The following ERICH3 variants were observed in gnomAD, a reference collection of about 807,000 sequenced individuals.
ERICH3 encodes the protein glutamate-rich protein 3.
A neutral mutation model predicts 131.1 loss-of-function variants in ERICH3; 126 were observed. The observed-to-expected ratio is 0.96, with a 90% CI of 0.83 to 1.11. ERICH3 has a LOEUF of 1.11. ERICH3 is among the 50% of genes most tolerant of loss of function. The pLI, the probability that ERICH3 is intolerant of heterozygous loss-of-function variation, is 0.00. For missense variants in ERICH3, 2,050 were observed against 1,810.7 expected, an observed-to-expected ratio of 1.13 and a Z score of -2.40; for synonymous variants, 695 against 644.6, an observed-to-expected ratio of 1.08 and a Z score of -1.18.
intron 1 of ERICH3, among the ~76,000 whole-genome samples, chr1:74,664,173 T>G (rs1646667798): frequency 6.6e-6 from 1 of 152,056 alleles, no homozygotes; most frequent in African/African-American, 2.4e-5. Context: ...ACTTGAACAA[T>G]AAATAGGAAT....
At chr1:74,606,963 A>C in intron 9 of ERICH3, 61 bp from the exon 10 acceptor site, 4 of 1,410,012 alleles carry the variant, frequency 2.8e-6, no homozygotes, top group Non-Finnish European at 3.8e-6. Flanking sequence ...ATGGAACCTC[A>C]AAGCTTTTGA....
chr1:74,606,481 C>G, intron 10 of ERICH3, 120 bp downstream of exon 10: 1 of 1,050,432 alleles, frequency 9.5e-7, no homozygotes. Context: ...TCAGGGGCAC[C>G]CCACATGTAA....
chr1:74,579,836 C>T (rs1222919123), intron 12 of ERICH3: 1 of 984,776 alleles, frequency 1.0e-6, no homozygotes, highest in African/African-American at 1.8e-5. Flanking sequence ...CCACTGGAGG[C>T]AAAGGTGATT....
chr1:74,667,706 C>A (rs930235987), intron 1 of ERICH3, among the ~76,000 whole-genome samples: 10 of 152,154 alleles, frequency 6.6e-5, no homozygotes, highest in African/African-American at 2.4e-4. Context: ...ATAAGTTAGG[C>A]ACATCTCCAC....
At chr1:74,598,309 A>G (rs1166427524) in intron 11 of ERICH3, among the ~76,000 whole-genome samples, 1 of 151,872 alleles carries the variant, frequency 6.6e-6, no homozygotes, top group Non-Finnish European at 1.5e-5. Context: ...GTTTAAAAAA[A>G]CTCATAAATT....
At chr1:74,580,797 G>A (rs1253458990) in intron 12 of ERICH3, among the ~76,000 whole-genome samples, 1 of 152,084 alleles carries the variant, frequency 6.6e-6, no homozygotes, top group Non-Finnish European at 1.5e-5. Flanking sequence ...GATTCAGGGG[G>A]TACATATGCA....
rs1646449947 is a variant in ERICH3 at position 74,643,059 on chromosome 1, AG to A, written c.282del (p.Leu95Ter). On this transcript the variant is annotated frameshift_variant, in exon 4 of 15. Coordinates refer to ENST00000326665, the MANE Select transcript of ERICH3 (RefSeq NM_001002912.5). LOFTEE classifies it high-confidence loss of function. Reference sequence around the variant, plus strand: ...CTCTGGATTCGCTCCTTCCTAGCTAAGGTCTCCAATTTCTTTTTTATTTCAA... The same window carrying A: ...CTCTGGATTCGCTCCTTCCTAGCTAAGTCTCCAATTTCTTTTTTATTTCAA... ...HQLEIKKKLE[T>X]LARKERIQRF... The A allele has an allele frequency of 6.2e-7, 1 of 1,611,302 alleles. No homozygotes were observed. The highest frequency in any genetic ancestry group is 8.5e-7 in the Non-Finnish European group (1 of 1,178,460).
chr1:74,667,457 C>A (rs556475187), intron 1 of ERICH3, among the ~76,000 whole-genome samples: 70 of 152,166 alleles, frequency 4.6e-4, no homozygotes, highest in African/African-American at 1.7e-3. Context: ...GTCTGCACAC[C>A]ACTTCTCTTG....
chr1:74,577,144 A>G lies in ERICH3; in HGVS notation c.2177-208T>C, dbSNP rs890290672. 5 of 466,436 alleles carry G rather than the reference A, an allele frequency of 1.1e-5. No homozygotes were observed. The East Asian group carries it at 1.3e-4, about 12-fold the overall frequency. 28.9% of individuals were successfully genotyped at this position (466,436 alleles called of 1,614,324 possible). A position where few individuals can be genotyped will look rare whatever the true frequency, so the allele number is the denominator to read the frequency against. On this transcript the variant is annotated intron_variant, in intron 12 of 14. Transcript: ENST00000326665. ...TTCTTTTATTTAATCCTAGACATCA[A>G]TATATTCAAAAAATAATAATAAATT...
intron 12 of ERICH3, 86 bp downstream of exon 12, chr1:74,589,545 T>C (rs1647482994): frequency 9.4e-6 from 12 of 1,271,694 alleles, no homozygotes; most frequent in Non-Finnish European, 1.2e-5. Flanking sequence ...CACAGTAGTA[T>C]TTCCCAAGCT....
intron 11 of ERICH3, chr1:74,591,783 T>C (rs1177536354): frequency 6.6e-6 from 1 of 152,184 alleles, no homozygotes; most frequent in Non-Finnish European, 1.5e-5. Context: ...AAATACAATC[T>C]AGCTTTTCTA....
chr1:74,635,424 AAC>A (rs1557693872), intron 6 of ERICH3, among the ~76,000 whole-genome samples: 1 of 152,198 alleles, frequency 6.6e-6, no homozygotes, highest in Non-Finnish European at 1.5e-5. Context: ...TTTACTGTGA[AAC>A]ACAATCACTT....
Position 74,606,616 on chromosome 1 carries a change from TTTCCTGGTCGTC to T in ERICH3, c.1462_1473del (p.Asp488_Glu491del), listed in dbSNP as rs762562883. On this transcript the variant is annotated inframe_deletion, in exon 10 of 15. Transcript: ENST00000326665. The stretch of plus-strand genomic sequence containing the variant: ...TGTTGATTACCATATTTTAAAGTAT[TTTCCTGGTCGTC>T]TTCCAAGACTTCTTGTCCTGGTTTT... 1.4e-5 allele frequency: 23 copies of T among 1,606,766 alleles called. No homozygotes were observed. The Middle Eastern group carries it at 1.3e-3, about 93-fold the overall frequency.
At chr1:74,581,760 C>A (rs530712130) in intron 12 of ERICH3, among the ~76,000 whole-genome samples, 16 of 152,240 alleles carry the variant, frequency 1.1e-4, no homozygotes, top group Admixed American at 7.9e-4. Flanking sequence ...TATTTATATA[C>A]AAATGAGCGT....
At position 74,575,362 on chromosome 1, in the gene ERICH3, A is replaced by T. The variant is rs76721371; in HGVS notation, c.2218+1533T>A. Among the ~76,000 whole-genome samples, 508 of 152,352 alleles carry T rather than the reference A, an allele frequency of 3.3e-3. 6 individuals are homozygous for T. Among genetic ancestry groups the T allele is most frequent in the Admixed American group, 0.026 (399 of 15,310 alleles). On this transcript the variant is annotated intron_variant, in intron 13 of 14. Transcript: ENST00000326665. ...TAAAATAAAAATTTCAGGTCTATCA[A>T]TAGGGCTGAGGTTGACTTTACAGGT...
intron 7 of ERICH3, chr1:74,626,089 T>C (rs1172694915): frequency 6.6e-6 from 1 of 152,216 alleles, no homozygotes; most frequent in Non-Finnish European, 1.5e-5. Context: ...TATTAAAGTC[T>C]TAAAATTTAT....
intron 12 of ERICH3, among the ~76,000 whole-genome samples, chr1:74,580,819 T>C (rs911177787): frequency 1.3e-5 from 2 of 151,916 alleles, no homozygotes; most frequent in East Asian, 1.9e-4. Context: ...GTTTCCTACA[T>C]GAGTAAATTA....
chr1:74,630,123 C>T (rs889525939), intron 7 of ERICH3, among the ~76,000 whole-genome samples: 4 of 152,112 alleles, frequency 2.6e-5, no homozygotes, highest in Non-Finnish European at 5.9e-5. Flanking sequence ...CCCAGTAATA[C>T]ATTTTAACAT....
chr1:74,582,302 A>T lies in ERICH3; in HGVS notation c.2177-5366T>A, dbSNP rs1028194820. ...CTCTTTCTCATGGGAAACAAACACA[A>T]GATAGCTCCTGATGTCTTTCTCTAA... is the stretch of plus-strand genomic sequence containing the variant. On this transcript the variant is annotated intron_variant, in intron 12 of 14. Coordinates refer to ENST00000326665, the MANE Select transcript of ERICH3 (RefSeq NM_001002912.5). Among the ~76,000 whole-genome samples, 16 of 152,300 alleles carry T rather than the reference A, an allele frequency of 1.1e-4. 1 individual carries two copies. Among genetic ancestry groups the T allele is most frequent in the East Asian group, 9.6e-4 (5 of 5,188 alleles).
Sources: gnomAD v4.1 joint callset for allele counts (sites outside exome capture counted in the v4.1 genomes callset) on GRCh38, gnomAD v4.1.1 for gene constraint, MANE v1.5 for transcripts, NCBI Gene and HGNC (gene_info 2026-07-23, HGNC 2026-07-21) for gene names.